Variants in RPTOR observed in about 807,000 individuals in gnomAD.
RPTOR encodes the protein regulatory-associated protein of mTOR.
A neutral mutation model predicts 169.9 loss-of-function variants in RPTOR; 21 were observed. The ratio of observed to expected loss-of-function variants is 0.12; its 90% CI spans 0.09 to 0.18. RPTOR has a LOEUF of 0.18. RPTOR is among the 10% of genes least tolerant of loss of function. RPTOR has a pLI of 1.00. For synonymous variants in RPTOR, 732 were observed against 753.2 expected (o/e 0.97, Z 0.46); for missense variants, 1,133 against 1,855.9 (o/e 0.61, Z 7.16).
intron 11 of RPTOR, among the ~76,000 whole-genome samples, chr17:80,850,740 T>A (rs984893591): frequency 1.3e-5 from 2 of 152,212 alleles, no homozygotes; most frequent in African/African-American, 4.8e-5. Flanking sequence ...GACAGCAGAA[T>A]GACAAACTAG....
At chr17:80,800,810 G>A (rs147697414) in intron 7 of RPTOR, among the ~76,000 whole-genome samples, 3 of 152,326 alleles carry the variant, frequency 2.0e-5, no homozygotes, top group East Asian at 1.9e-4. Context: ...CCTGTTCCAC[G>A]AGGCTGCTAG....
At chr17:80,642,126 T>C (rs2065558840) in intron 2 of RPTOR, among the ~76,000 whole-genome samples, 1 of 152,162 alleles carries the variant, frequency 6.6e-6, no homozygotes, top group Admixed American at 6.5e-5. Flanking sequence ...CCTGGCAACT[T>C]CTTTTTTGTT....
chr17:80,902,602 T>C (rs1320338002), intron 20 of RPTOR, among the ~76,000 whole-genome samples: 1 of 152,264 alleles, frequency 6.6e-6, no homozygotes, highest in Admixed American at 6.5e-5. Context: ...GTCTGCCCTC[T>C]GCACTTATCT....
chr17:80,571,748 T>C (rs4890046), intron 1 of RPTOR, among the ~76,000 whole-genome samples: 36,004 of 152,094 alleles, frequency 0.24, 5,279 homozygotes, highest in East Asian at 0.42. Flanking sequence ...CTCAAACTCC[T>C]GAGCTCAAGC....
chr17:80,758,206 T>A (rs1033549337), intron 6 of RPTOR, among the ~76,000 whole-genome samples: 2 of 152,204 alleles, frequency 1.3e-5, no homozygotes, highest in African/African-American at 4.8e-5. Context: ...AGGCAATGTG[T>A]GATCAAAGAC....
At chr17:80,868,293 C>T (rs752041414) in intron 13 of RPTOR, among the ~76,000 whole-genome samples, 4 of 152,148 alleles carry the variant, frequency 2.6e-5, no homozygotes, top group Non-Finnish European at 5.9e-5. Context: ...GACACTTCAC[C>T]AAAGAAGTAC....
Position 80,959,926 on chromosome 17 carries a change from A to T in RPTOR, c.3478-152A>T. 1 of 872,642 alleles carries T rather than the reference A, an allele frequency of 1.1e-6. No individual in the cohort carries two copies. Among genetic ancestry groups the T allele is most frequent in the Non-Finnish European group, 1.7e-6 (1 of 572,576 alleles). The allele number at this position is 872,642 out of a possible 1,614,324, so 54.1% of individuals were successfully genotyped here. ...GACTCCTGGGCTCCCCAGGCCTTTGATGCTTCCCTGGATAGAGAGAAAGGC... is the reference window on the plus strand; with the variant it reads ...GACTCCTGGGCTCCCCAGGCCTTTGTTGCTTCCCTGGATAGAGAGAAAGGC... On this transcript the variant is annotated intron_variant, in intron 29 of 33. Coordinates refer to ENST00000306801, the MANE Select transcript of RPTOR (RefSeq NM_020761.3). The surrounding 1 kb of genome is among the most constrained non-coding windows in gnomAD (Gnocchi z 6.7).
intron 3 of RPTOR, among the ~76,000 whole-genome samples, chr17:80,667,804 A>C (rs1233494288): frequency 6.6e-6 from 1 of 152,218 alleles, no homozygotes; most frequent in Non-Finnish European, 1.5e-5. Context: ...CAGTGAAATG[A>C]GTGGTGTAAT....
intron 11 of RPTOR, 135 bp downstream of exon 11, chr17:80,846,709 A>C (rs1453521235): frequency 1.4e-6 from 1 of 694,686 alleles, no homozygotes; most frequent in Admixed American, 2.4e-5. Context: ...TGCCCCGAAG[A>C]TGATGGTGCA....
chr17:80,727,867 G>C (rs1015875545), intron 4 of RPTOR, among the ~76,000 whole-genome samples: 2 of 152,124 alleles, frequency 1.3e-5, no homozygotes, highest in Non-Finnish European at 2.9e-5. Context: ...TTTTTGTTAA[G>C]TACTTCCCAA....
At chr17:80,792,386 A>C (rs2067057372) in intron 7 of RPTOR, among the ~76,000 whole-genome samples, 2 of 151,822 alleles carry the variant, frequency 1.3e-5, no homozygotes, top group South Asian at 2.1e-4. Context: ...CTTGTGTATC[A>C]GGGGAAAAAT....
intron 6 of RPTOR, among the ~76,000 whole-genome samples, chr17:80,760,773 TTCCC>T (rs1004397383): frequency 1.3e-5 from 2 of 152,166 alleles, no homozygotes; most frequent in African/African-American, 2.4e-5. Context: ...GGAAGGTGGA[TTCCC>T]TCCCTCCCTC....
chr17:80,698,402 A>C (rs2066055446), intron 3 of RPTOR, among the ~76,000 whole-genome samples: 1 of 151,706 alleles, frequency 6.6e-6, no homozygotes, highest in Non-Finnish European at 1.5e-5. Context: ...AAAGAAAGAC[A>C]CCAGCTCCTC....
chr17:80,830,580 G>C (rs904431717), intron 9 of RPTOR, among the ~76,000 whole-genome samples: 14 of 152,156 alleles, frequency 9.2e-5, no homozygotes, highest in Non-Finnish European at 1.5e-4. Flanking sequence ...GGGCCATCTT[G>C]CACGGGCCGC....
rs1396540558 is a variant in RPTOR at position 80,754,998 on chromosome 17, C to T, written c.830+813C>T. On this transcript the variant is annotated intron_variant, in intron 6 of 33. Transcript: ENST00000306801. The surrounding 1 kb of genome is among the most constrained non-coding windows in gnomAD (Gnocchi z 4.2). The stretch of plus-strand genomic sequence containing the variant: ...TCTAGACAAGTCTCCTGCCTTCTCA[C>T]CCACAGCCCTGGGCGGACACGGGGA... Among the ~76,000 whole-genome samples the T allele has an allele frequency of 2.0e-5, 3 of 152,186 alleles. No homozygotes were observed. The highest frequency in any genetic ancestry group is 2.9e-5 in the Non-Finnish European group (2 of 68,026).
intron 3 of RPTOR, among the ~76,000 whole-genome samples, chr17:80,687,919 G>A (rs1157753762): frequency 1.3e-5 from 2 of 152,210 alleles, no homozygotes; most frequent in Admixed American, 6.5e-5. Context: ...CCAGGTCAGC[G>A]CCTGCAGGCC....
At chr17:80,604,701 A>G (rs1475693386) in intron 1 of RPTOR, among the ~76,000 whole-genome samples, 1 of 152,214 alleles carries the variant, frequency 6.6e-6, no homozygotes, top group East Asian at 1.9e-4. Flanking sequence ...AATGAGGAGC[A>G]AAGTCGCGTC....
intron 2 of RPTOR, among the ~76,000 whole-genome samples, chr17:80,630,518 T>C (rs2065434067): frequency 6.6e-6 from 1 of 152,228 alleles, no homozygotes; most frequent in African/African-American, 2.4e-5. Context: ...AGAAATTTCT[T>C]CTTTCTCAGG....
Position 80,807,083 on chromosome 17 carries a change from G to A in RPTOR, c.891-15118G>A, listed in dbSNP as rs144708110. ...TTAGAGTCCACATTTTTAAAGTATC[G>A]TAGCTGAACAACTGTCTCTTGGTTA... On this transcript the variant is annotated intron_variant, in intron 7 of 33. Coordinates refer to ENST00000306801, the MANE Select transcript of RPTOR (RefSeq NM_020761.3). Among the ~76,000 whole-genome samples, 660 of 152,222 alleles carry A rather than the reference G, an allele frequency of 4.3e-3. 5 individuals carry two copies. The highest frequency in any genetic ancestry group is 0.015 in the African/African-American group (621 of 41,530).
Sources: gnomAD v4.1 joint callset for allele counts (sites outside exome capture counted in the v4.1 genomes callset) on GRCh38, gnomAD v4.1.1 for gene constraint, Gnocchi (gnomAD v3.1) non-coding constraint, MANE v1.5 for transcripts, NCBI Gene and HGNC (gene_info 2026-07-23, HGNC 2026-07-21) for gene names.